SEMA6D: variants seen among roughly 807,000 people sequenced by gnomAD.
SEMA6D encodes the protein semaphorin 6D.
In SEMA6D, 35 loss-of-function variants were observed where a neutral mutation model predicts 106.6. That is an observed-to-expected ratio of 0.33 (90% CI 0.25 to 0.44). SEMA6D has a LOEUF of 0.44. Among genes scored for constraint, SEMA6D ranks in the 20% least tolerant of loss-of-function variants. SEMA6D has a pLI of 1.00. For missense variants in SEMA6D, 1,185 were observed against 1,345.9 expected (o/e 0.88, Z 1.87); for synonymous variants, 499 against 487.7 (o/e 1.02, Z -0.31).
chr15:47,300,399 G>A (rs1031190610), intron 1 of SEMA6D, among the ~76,000 whole-genome samples: 2 of 151,272 alleles, frequency 1.3e-5, no homozygotes, highest in Non-Finnish European at 2.9e-5. Flanking sequence ...TTGAGTGCCT[G>A]TTATGTGTAC....
intron 1 of SEMA6D, among the ~76,000 whole-genome samples, chr15:47,284,901 T>G (rs955342109): frequency 2.8e-4 from 43 of 152,304 alleles, no homozygotes; most frequent in Admixed American, 2.6e-3. Flanking sequence ...GGGGCGCATC[T>G]CCTTTTCATA....
In SEMA6D at chr15:47,687,560, A is replaced by G. The variant is rs547566213; in HGVS notation, c.-54-72185A>G. 2.1e-3 allele frequency among the ~76,000 whole-genome samples: 314 copies of G among 152,346 alleles called. 1 individual carries two copies. Among genetic ancestry groups the G allele is most frequent in the Non-Finnish European group, 3.6e-3 (247 of 68,036 alleles). ...AGATCATGAAAGGCCCCCTTAAGCC[A>G]TATTAAACGATTAGATCTTATTATA... On this transcript the variant is annotated intron_variant, in intron 4 of 19. Coordinates refer to the SEMA6D transcript ENST00000558014.
intron 3 of SEMA6D, among the ~76,000 whole-genome samples, chr15:47,555,323 T>C (rs1027684822): frequency 2.6e-5 from 4 of 152,166 alleles, no homozygotes; most frequent in Non-Finnish European, 4.4e-5. Flanking sequence ...CGGTTATCTG[T>C]TGTTAAATTC....
chr15:47,701,508 T>G (rs994664658), intron 4 of SEMA6D, among the ~76,000 whole-genome samples: 4 of 152,166 alleles, frequency 2.6e-5, no homozygotes, highest in African/African-American at 9.7e-5. Context: ...AAAAGTGGAT[T>G]TTAAGTTTTC....
At chr15:47,350,609 T>C (rs1044241539) in intron 1 of SEMA6D, among the ~76,000 whole-genome samples, 1 of 152,160 alleles carries the variant, frequency 6.6e-6, no homozygotes, top group Non-Finnish European at 1.5e-5. Flanking sequence ...GAGACAAAAA[T>C]CCAGATGTTT....
chr15:47,670,621 G>A (rs996775874), intron 4 of SEMA6D, among the ~76,000 whole-genome samples: 1 of 152,060 alleles, frequency 6.6e-6, no homozygotes, highest in Non-Finnish European at 1.5e-5. Flanking sequence ...AATCTTCAAG[G>A]GATTAAAGTA....
In SEMA6D at chr15:47,312,226, T is replaced by C. The variant is rs536267292; in HGVS notation, c.-238-100167T>C. On this transcript the variant is annotated intron_variant, in intron 1 of 19. Coordinates refer to the SEMA6D transcript ENST00000558014. ...GCTGGATGACAGCGATAGCTCCTTC[T>C]GTCTTTTTGTGTTTAGTCTCTTCCT... Among the ~76,000 whole-genome samples the C allele has an allele frequency of 5.6e-4, 85 of 151,848 alleles. 1 individual carries two copies. The highest frequency in any genetic ancestry group is 1.8e-3 in the African/African-American group (76 of 41,472).
intron 3 of SEMA6D, among the ~76,000 whole-genome samples, chr15:47,515,857 G>A (rs997482334): frequency 1.3e-5 from 2 of 152,224 alleles, no homozygotes; most frequent in African/African-American, 4.8e-5. Context: ...TGGGCCAGAT[G>A]TGGAGCAGAA....
intron 3 of SEMA6D, among the ~76,000 whole-genome samples, chr15:47,532,034 C>T (rs984362559): frequency 4.6e-5 from 7 of 152,164 alleles, no homozygotes; most frequent in Non-Finnish European, 5.9e-5. Flanking sequence ...GCCCCACTCC[C>T]GGCAGTTAAT....
chr15:47,494,115 T>C (rs2043558645), intron 3 of SEMA6D, among the ~76,000 whole-genome samples: 1 of 152,116 alleles, frequency 6.6e-6, no homozygotes, highest in Non-Finnish European at 1.5e-5. Context: ...GCTTGCTGGT[T>C]CACGCCTGTC....
intron 4 of SEMA6D, among the ~76,000 whole-genome samples, chr15:47,683,612 C>T (rs2078406505): frequency 6.6e-6 from 1 of 152,080 alleles, no homozygotes; most frequent in South Asian, 2.1e-4. Context: ...ATCTTGTCTG[C>T]ATTTTTTTAG....
At chr15:47,314,597 C>CA (rs764929520) in intron 1 of SEMA6D, among the ~76,000 whole-genome samples, 1,925 of 24,098 alleles carry the variant, frequency 0.08, 368 homozygotes, top group East Asian at 0.64. Flanking sequence ...GACTCCATCT[C>CA]AAAAAAAAAA....
In SEMA6D at chr15:47,766,017, C is replaced by G. The variant is rs531596; in HGVS notation, c.1568+8C>G. The G allele has an allele frequency of 6.2e-7, 1 of 1,602,656 alleles. No homozygotes were observed. Among genetic ancestry groups the G allele is most frequent in the Non-Finnish European group, 8.5e-7 (1 of 1,173,156 alleles). ...TTATGGATCATGTAAAAAGTAAGCT[C>G]GTGTTTCTTTACTTACCCTGGGTCT... is the stretch of plus-strand genomic sequence containing the variant. On this transcript the variant is annotated splice_region_variant and intron_variant, in intron 14 of 18. Coordinates refer to ENST00000536845, the MANE Select transcript of SEMA6D (RefSeq NM_001358351.3).
At chr15:47,731,843 A>G (rs1371247825) in intron 1 of SEMA6D, among the ~76,000 whole-genome samples, 1 of 152,214 alleles carries the variant, frequency 6.6e-6, no homozygotes, top group Non-Finnish European at 1.5e-5. Flanking sequence ...CACGCTATAC[A>G]TAGGTGTATG....
chr15:47,481,638 C>T (rs1224253196), intron 3 of SEMA6D, among the ~76,000 whole-genome samples: 1 of 152,100 alleles, frequency 6.6e-6, no homozygotes, highest in Non-Finnish European at 1.5e-5. Context: ...ACTCACAAGT[C>T]CATTGAGCTC....
intron 1 of SEMA6D, among the ~76,000 whole-genome samples, chr15:47,319,445 G>A (rs1471341428): frequency 6.6e-6 from 1 of 152,072 alleles, no homozygotes; most frequent in Non-Finnish European, 1.5e-5. Flanking sequence ...TGTGGGTGGA[G>A]GACTCTATAG....
intron 3 of SEMA6D, among the ~76,000 whole-genome samples, chr15:47,536,065 A>G (rs1263822312): frequency 1.3e-5 from 2 of 152,180 alleles, no homozygotes; most frequent in African/African-American, 2.4e-5. Flanking sequence ...ACAGTTTTTT[A>G]ACTGCTTTGG....
chr15:47,671,058 T>C (rs2078127082), intron 4 of SEMA6D, among the ~76,000 whole-genome samples: 1 of 152,174 alleles, frequency 6.6e-6, no homozygotes, highest in Non-Finnish European at 1.5e-5. Context: ...TGGTGGGTTT[T>C]TTCCTTCTAA....
intron 2 of SEMA6D, among the ~76,000 whole-genome samples, chr15:47,427,215 C>T (rs2041369857): frequency 6.6e-6 from 1 of 152,086 alleles, no homozygotes; most frequent in Non-Finnish European, 1.5e-5. Flanking sequence ...ATTGCCCATC[C>T]TGTGTGTTCT....
Sources: gnomAD v4.1 joint callset for allele counts (sites outside exome capture counted in the v4.1 genomes callset) on GRCh38, gnomAD v4.1.1 for gene constraint, MANE v1.5 for transcripts, NCBI Gene and HGNC (gene_info 2026-07-23, HGNC 2026-07-21) for gene names.